Variants in FHDC1 observed in about 807,000 individuals in gnomAD.
FHDC1 encodes the protein FH2 domain-containing protein 1.
A neutral mutation model predicts 52.6 loss-of-function variants in FHDC1; 25 were observed. That is an observed-to-expected ratio of 0.48 (90% CI 0.35 to 0.66). FHDC1 has a LOEUF of 0.66. Among genes scored for constraint, FHDC1 ranks in the 30% least tolerant of loss-of-function variants. The probability of loss-of-function intolerance (pLI) is 0.01; values close to 1 mark genes in which losing one functional copy is unlikely to be tolerated. For missense variants in FHDC1, 1,459 were observed against 1,452.8 expected, an observed-to-expected ratio of 1.00 and a Z score of -0.07; for synonymous variants, 616 against 581.5, an observed-to-expected ratio of 1.06 and a Z score of -0.85.
At position 152,953,470 on chromosome 4, in the gene FHDC1, A is replaced by C. The variant is rs1255585458; in HGVS notation, c.499-29A>C. The C allele has an allele frequency of 5.1e-6, 8 of 1,570,846 alleles. No individual in the cohort carries two copies. The South Asian group carries it at 9.0e-5, about 18-fold the overall frequency. ...CATCTCTTTTTATTTGAATTTAGTA[A>C]TCCTATGTGTCCTTATTTTTTTTTC... On this transcript the variant is annotated intron_variant, in intron 2 of 11. Coordinates refer to ENST00000511601, the MANE Select transcript of FHDC1 (RefSeq NM_001371116.1).
chr4:152,913,025 A>G, the FHDC1 span, among the ~76,000 whole-genome samples: 1 of 152,310 alleles, frequency 6.6e-6, no homozygotes, highest in East Asian at 1.9e-4. Flanking sequence ...TGAAACTATC[A>G]AGGCTTCAAA....
the FHDC1 span, among the ~76,000 whole-genome samples, chr4:152,913,881 A>C: frequency 6.6e-6 from 1 of 152,238 alleles, no homozygotes; most frequent in Middle Eastern, 3.4e-3. Flanking sequence ...GAGTTTCTCC[A>C]TGTGGGTCAG....
intron 9 of FHDC1, among the ~76,000 whole-genome samples, chr4:152,965,544 T>A (rs1349187452): frequency 6.6e-6 from 1 of 152,268 alleles, no homozygotes; most frequent in Non-Finnish European, 1.5e-5. Flanking sequence ...TGTATCTTAA[T>A]GTAGCTAGAC....
At chr4:152,961,301 C>T (rs62320610) in intron 6 of FHDC1, among the ~76,000 whole-genome samples, 1 of 152,114 alleles carries the variant, frequency 6.6e-6, no homozygotes, top group South Asian at 2.1e-4. Context: ...TGGGGTCAAC[C>T]GTGTGACTCT....
Position 152,970,544 on chromosome 4 carries a change from C to T in FHDC1, c.1219-1833C>T, listed in dbSNP as rs1487586536. 3.9e-5 allele frequency among the ~76,000 whole-genome samples: 6 copies of T among 152,152 alleles called. No homozygotes were observed. In the East Asian group the frequency reaches 7.7e-4, roughly 20 times the overall value. ...GAAACATACGAGGTGGAGCTGAGCTCCCATGTAGATTCTTGTCAAGAGGCC... is the reference window on the plus strand; with the variant it reads ...GAAACATACGAGGTGGAGCTGAGCTTCCATGTAGATTCTTGTCAAGAGGCC... On this transcript the variant is annotated intron_variant, in intron 10 of 11. Transcript: ENST00000511601.
Position 152,976,901 on chromosome 4 carries a change from C to A in FHDC1, c.*178C>A. 1 of 714,296 alleles carries A rather than the reference C, an allele frequency of 1.4e-6. No individual in the cohort carries two copies. The highest frequency in any genetic ancestry group is 2.1e-6 in the Non-Finnish European group (1 of 478,466). 44.2% of individuals were successfully genotyped at this position (714,296 alleles called of 1,614,324 possible). A position where few individuals can be genotyped will look rare whatever the true frequency, so the allele number is the denominator to read the frequency against. ...GGCCTGTGGACTGCAGCCTGCTGTG[C>A]TGAGCCCTGCTGCAGTCCAGCGTCC... is the stretch of plus-strand genomic sequence containing the variant. On this transcript the variant is annotated 3_prime_UTR_variant, in exon 12 of 12. Transcript: ENST00000511601.
the FHDC1 span, among the ~76,000 whole-genome samples, chr4:152,924,812 A>G: frequency 7.1e-6 from 1 of 141,172 alleles, no homozygotes; most frequent in African/African-American, 2.6e-5. Context: ...TTGAACAGTG[A>G]GAACACATGG....
At chr4:152,937,831 C>T (rs1739441595) in intron 1 of FHDC1, among the ~76,000 whole-genome samples, 2 of 152,264 alleles carry the variant, frequency 1.3e-5, no homozygotes, top group Middle Eastern at 3.4e-3. Flanking sequence ...GACCCCAGCG[C>T]GGCTCCCCGG....
chr4:152,973,633 T>C (rs530674921), intron 11 of FHDC1, among the ~76,000 whole-genome samples: 1 of 152,172 alleles, frequency 6.6e-6, no homozygotes, highest in Non-Finnish European at 1.5e-5. Flanking sequence ...CCCGAGAGAC[T>C]TGGGGACGAG....
chr4:152,932,312 G>A (rs540724181), upstream of FHDC1, among the ~76,000 whole-genome samples: 2 of 152,106 alleles, frequency 1.3e-5, no homozygotes, highest in East Asian at 3.9e-4. Context: ...AGTGGCTCAT[G>A]CCTGTAACCA....
At chr4:152,923,197 A>T in the FHDC1 span, among the ~76,000 whole-genome samples, 1 of 152,226 alleles carries the variant, frequency 6.6e-6, no homozygotes, top group Non-Finnish European at 1.5e-5. Flanking sequence ...AATCACAAGC[A>T]TTCTTATACA....
At chr4:152,963,484 C>T (rs1469590489) in intron 8 of FHDC1, among the ~76,000 whole-genome samples, 2 of 152,014 alleles carry the variant, frequency 1.3e-5, no homozygotes, top group Non-Finnish European at 2.9e-5. Context: ...TGTTTTTAGG[C>T]AAATAAGGCA....
chr4:152,919,285 G>C, the FHDC1 span, among the ~76,000 whole-genome samples: 2 of 152,232 alleles, frequency 1.3e-5, no homozygotes, highest in African/African-American at 4.8e-5. Flanking sequence ...GGGTTTAATG[G>C]GGAGAAAGTC....
Position 152,949,124 on chromosome 4 carries a change from T to TGATGATGATGATG in FHDC1, c.499-4375_499-4374insGATGATGATGATG, listed in dbSNP as rs1554040344. ...ATAATAATAATAATAATAATAATAATAAGAAGAAGAAGAAGAAGAAGAAGA... is the reference window on the plus strand; with the variant it reads ...ATAATAATAATAATAATAATAATAATGATGATGATGATGAAGAAGAAGAAGAAGAAGAAGAAGA... On this transcript the variant is annotated intron_variant, in intron 2 of 11. Transcript: ENST00000511601. Among the ~76,000 whole-genome samples, 53 of 74,700 alleles carry TGATGATGATGATG rather than the reference T, an allele frequency of 7.1e-4. 1 individual carries two copies. Among genetic ancestry groups the TGATGATGATGATG allele is most frequent in the African/African-American group, 2.4e-3 (48 of 19,842 alleles). 49.0% of individuals were successfully genotyped at this position (74,700 alleles called of 152,430 possible). A position where few individuals can be genotyped will look rare whatever the true frequency, so the allele number is the denominator to read the frequency against.
Position 152,943,236 on chromosome 4 carries a change from C to T in FHDC1, c.179C>T (p.Pro60Leu), listed in dbSNP as rs1739626692. The change falls in exon 2 of 12, where the codon CCA becomes CTA. Residue 60 changes from proline to leucine, a missense_variant. Physicochemically the swap from Pro to Leu is moderately conservative, Grantham distance 98 (BLOSUM62 -3). This residue lies in a region of FHDC1 where 513 missense variants were observed against 581.5 expected (regional missense o/e 0.88). Transcript: ENST00000511601. ...GAAGAGTGTCCTTCCTCCCCTCCTCCACCCCCACCACCTCCACTTCCTGGG... is the reference window on the plus strand; with the variant it reads ...GAAGAGTGTCCTTCCTCCCCTCCTCTACCCCCACCACCTCCACTTCCTGGG... The part of the protein sequence containing the change: ...SREECPSSPP[P>L]PPPPPLPGEP... 6.2e-7 allele frequency: 1 copy of T among 1,606,218 alleles called. No individual in the cohort carries two copies. Among genetic ancestry groups the T allele is most frequent in the Non-Finnish European group, 8.5e-7 (1 of 1,175,850 alleles).
At chr4:152,957,264 C>G (rs1050592482) in intron 4 of FHDC1, among the ~76,000 whole-genome samples, 1 of 152,200 alleles carries the variant, frequency 6.6e-6, no homozygotes, top group African/African-American at 2.4e-5. Flanking sequence ...CCCCATGTAC[C>G]AGGCACTGAC....
At chr4:152,915,692 AT>A in the FHDC1 span, among the ~76,000 whole-genome samples, 1 of 152,164 alleles carries the variant, frequency 6.6e-6, no homozygotes, top group African/African-American at 2.4e-5. Context: ...AGAAATCACC[AT>A]GTTGAAACCA....
the FHDC1 span, among the ~76,000 whole-genome samples, chr4:152,913,566 A>G: frequency 6.6e-5 from 10 of 152,252 alleles, no homozygotes; most frequent in Non-Finnish European, 1.5e-4. Context: ...TACTACTTAA[A>G]TACCTATTTG....
intron 2 of FHDC1, among the ~76,000 whole-genome samples, chr4:152,950,424 T>C (rs936618668): frequency 5.9e-5 from 9 of 152,224 alleles, no homozygotes; most frequent in Non-Finnish European, 1.2e-4. Context: ...ATCAGTTGTC[T>C]CATTTTAATG....
Sources: allele counts gnomAD v4.1 joint callset (sites outside exome capture counted in the v4.1 genomes callset), GRCh38; gene constraint gnomAD v4.1.1; regional missense constraint gnomAD v4.1.1; transcripts MANE v1.5; gene names NCBI Gene and HGNC (gene_info 2026-07-23, HGNC 2026-07-21).